Variants in DENND4C observed in about 807,000 individuals in gnomAD.
DENND4C encodes DENN domain containing 4C, also known as DENN domain-containing protein 4C.
A neutral mutation model predicts 203.0 loss-of-function variants in DENND4C; 108 were observed. The observed-to-expected ratio is 0.53, with a 90% CI of 0.46 to 0.62. The LOEUF (loss-of-function observed/expected upper bound fraction) is 0.62. Ranked by LOEUF, DENND4C falls within the 20% of genes least tolerant of loss-of-function variation. DENND4C has a pLI of 0.00. For missense variants in DENND4C, 2,481 were observed against 2,301.2 expected (o/e 1.08, Z -1.60); for synonymous variants, 871 against 792.4 (o/e 1.10, Z -1.67).
At chr9:19,284,588 T>G (rs566857616) in intron 2 of DENND4C, among the ~76,000 whole-genome samples, 1 of 152,312 alleles carries the variant, frequency 6.6e-6, no homozygotes, top group African/African-American at 2.4e-5. Context: ...TGTGTTTTTT[T>G]AATCCACATC....
In DENND4C at chr9:19,295,496, C is replaced by T. The variant is rs573470531; in HGVS notation, c.802-512C>T. 2.6e-5 allele frequency among the ~76,000 whole-genome samples: 4 copies of T among 151,268 alleles called. No individual in the cohort carries two copies. The East Asian group carries it at 7.8e-4, about 29-fold the overall frequency. The stretch of plus-strand genomic sequence containing the variant: ...CTCCAGCCTGGGTGACAGAGCAAGA[C>T]TCCATCTCAAAAAAAAAGGAAAAAA... On this transcript the variant is annotated intron_variant, in intron 5 of 32. Coordinates refer to ENST00000434457, the MANE Select transcript of DENND4C (RefSeq NM_001330640.2).
chr9:19,329,754 A>G (rs1454618568), intron 16 of DENND4C, among the ~76,000 whole-genome samples: 1 of 152,206 alleles, frequency 6.6e-6, no homozygotes, highest in African/African-American at 2.4e-5. Flanking sequence ...AGTGAGTAAG[A>G]AGTTGTATTT....
chr9:19,339,065 T>G (rs1264697080), intron 20 of DENND4C, among the ~76,000 whole-genome samples: 1 of 152,212 alleles, frequency 6.6e-6, no homozygotes, highest in Non-Finnish European at 1.5e-5. Flanking sequence ...CTCTCATATC[T>G]TTTATCTAGA....
At chr9:19,338,207 T>C (rs1820903621) in intron 20 of DENND4C, among the ~76,000 whole-genome samples, 1 of 152,218 alleles carries the variant, frequency 6.6e-6, no homozygotes, top group Non-Finnish European at 1.5e-5. Flanking sequence ...CACCATATTT[T>C]ATTTCCTCTA....
chr9:19,335,671 C>A (rs1211370069), intron 18 of DENND4C, among the ~76,000 whole-genome samples: 1 of 152,020 alleles, frequency 6.6e-6, no homozygotes, highest in Non-Finnish European at 1.5e-5. Flanking sequence ...TTCATATTGT[C>A]ACAAATTACT....
At chr9:19,240,464 G>A (rs934771152) in intron 1 of DENND4C, among the ~76,000 whole-genome samples, 2 of 151,716 alleles carry the variant, frequency 1.3e-5, no homozygotes, top group South Asian at 2.1e-4. Context: ...TCAGGAGTTC[G>A]AGACCAGCCT....
At chr9:19,259,992 C>G (rs1460223697) in intron 1 of DENND4C, among the ~76,000 whole-genome samples, 4 of 152,046 alleles carry the variant, frequency 2.6e-5, no homozygotes, top group Non-Finnish European at 5.9e-5. Flanking sequence ...TAGGGGATTG[C>G]TGGATTGTAT....
intron 4 of DENND4C, 51 bp downstream of exon 4, chr9:19,288,716 T>C: frequency 9.6e-7 from 1 of 1,037,734 alleles, no homozygotes; most frequent in Non-Finnish European, 1.2e-6. Flanking sequence ...TTGGTGCATA[T>C]TAACATTTGG....
chr9:19,328,226 G>A (rs1300367626), intron 16 of DENND4C, 64 bp downstream of exon 16: 9 of 1,427,550 alleles, frequency 6.3e-6, no homozygotes, highest in Non-Finnish European at 8.5e-6. Flanking sequence ...GTGATATGCA[G>A]CTCATAGTTT....
intron 2 of DENND4C, among the ~76,000 whole-genome samples, chr9:19,281,619 A>G (rs1316684753): frequency 1.3e-5 from 2 of 152,222 alleles, no homozygotes; most frequent in Non-Finnish European, 2.9e-5. Flanking sequence ...TAAAATATGT[A>G]AAATCTGATA....
chr9:19,248,942 C>A (rs900973706), intron 1 of DENND4C, among the ~76,000 whole-genome samples: 1 of 151,940 alleles, frequency 6.6e-6, no homozygotes, highest in Non-Finnish European at 1.5e-5. Flanking sequence ...AGGCGTGAGC[C>A]ACTACGGCCA....
Position 19,284,708 on chromosome 9 carries a change from C to T in DENND4C, c.306-2061C>T, listed in dbSNP as rs1402451208. Among the ~76,000 whole-genome samples the T allele has an allele frequency of 4.0e-5, 6 of 151,614 alleles. No individual in the cohort carries two copies. The East Asian group carries it at 7.7e-4, about 20-fold the overall frequency. On this transcript the variant is annotated intron_variant, in intron 2 of 32. Coordinates refer to ENST00000434457, the MANE Select transcript of DENND4C (RefSeq NM_001330640.2). ...ATCATTGCTCCATAAGTTTAAGGGG[C>T]GATTTTCTTTATTCTTTTGCTTATA... is the stretch of plus-strand genomic sequence containing the variant.
chr9:19,339,152 A>T (rs1263172825), intron 20 of DENND4C, among the ~76,000 whole-genome samples: 1 of 152,152 alleles, frequency 6.6e-6, no homozygotes. Flanking sequence ...TCTTTTTCCT[A>T]AGTCATGTGA....
intron 29 of DENND4C, 34 bp from the exon 30 acceptor site, chr9:19,361,812 C>T (rs1053103486): frequency 1.6e-5 from 21 of 1,276,906 alleles, no homozygotes; most frequent in African/African-American, 8.8e-5. Context: ...TTGTTATTCT[C>T]GGGATACTAA....
chr9:19,248,618 G>C (rs1186497493), intron 1 of DENND4C, among the ~76,000 whole-genome samples: 1 of 152,002 alleles, frequency 6.6e-6, no homozygotes, highest in East Asian at 1.9e-4. Context: ...TCGAACTCCC[G>C]ACCTCAGATG....
intron 9 of DENND4C, among the ~76,000 whole-genome samples, chr9:19,303,968 C>T (rs541218391): frequency 3.3e-5 from 5 of 151,020 alleles, no homozygotes; most frequent in Admixed American, 1.3e-4. Flanking sequence ...CTGCCTCAGC[C>T]TCCCAAAGTG....
chr9:19,284,740 A>G (rs1201885004), intron 2 of DENND4C, among the ~76,000 whole-genome samples: 2 of 152,118 alleles, frequency 1.3e-5, no homozygotes, highest in Middle Eastern at 3.2e-3. Flanking sequence ...TATACTATAA[A>G]CAGATTTTTA....
intron 1 of DENND4C, among the ~76,000 whole-genome samples, chr9:19,244,950 T>G (rs1824777461): frequency 6.6e-6 from 1 of 152,220 alleles, no homozygotes; most frequent in African/African-American, 2.4e-5. Flanking sequence ...CAGCTCATGT[T>G]TTTATTCATA....
chr9:19,260,173 A>G (rs565479731), intron 1 of DENND4C, among the ~76,000 whole-genome samples: 3 of 152,220 alleles, frequency 2.0e-5, no homozygotes, highest in African/African-American at 7.2e-5. Flanking sequence ...GTGTGAGATG[A>G]TATCTCATTT....
Sources: allele counts gnomAD v4.1 joint callset (sites outside exome capture counted in the v4.1 genomes callset), GRCh38; gene constraint gnomAD v4.1.1; transcripts MANE v1.5; gene names NCBI Gene and HGNC (gene_info 2026-07-23, HGNC 2026-07-21).